Variants in ZBTB46 observed in about 807,000 individuals in gnomAD.
ZBTB46 encodes zinc finger and BTB domain-containing protein 46.
A neutral mutation model predicts 44.1 loss-of-function variants in ZBTB46; 8 were observed. That is an observed-to-expected ratio of 0.18 (90% confidence interval 0.11 to 0.33). ZBTB46 has a LOEUF of 0.33. Among genes scored for constraint, ZBTB46 ranks in the 10% least tolerant of loss-of-function variants. The pLI is 1.00. For missense variants in ZBTB46, 651 were observed against 847.7 expected (o/e 0.77, Z 2.88); for synonymous variants, 409 against 382.3 (o/e 1.07, Z -0.81).
chr20:63,770,245 C>G (rs189504285), intron 3 of ZBTB46, among the ~76,000 whole-genome samples: 8 of 152,332 alleles, frequency 5.3e-5, no homozygotes, highest in Non-Finnish European at 1.5e-5. Context: ...GCACACACCT[C>G]AAGGCCCCAG....
At chr20:63,751,810 C>CCCCATGAAGCCCCGCCCCCCGGTGGGTCT (rs1568828406) in intron 4 of ZBTB46, among the ~76,000 whole-genome samples, 49 of 143,176 alleles carry the variant, frequency 3.4e-4, no homozygotes, top group Non-Finnish European at 6.8e-4. Flanking sequence ...CGGTGGGTCT[C>CCCCATGAAGCCCCGCCCCCCGGTGGGTCT]CCCATGAAGC....
chr20:63,761,593 C>A (rs1328082593), intron 3 of ZBTB46, among the ~76,000 whole-genome samples: 1 of 151,942 alleles, frequency 6.6e-6, no homozygotes, highest in Non-Finnish European at 1.5e-5. Flanking sequence ...ACCAGCCTGG[C>A]CAATATAGTG....
At chr20:63,747,503 AG>A (rs1322543822) in intron 4 of ZBTB46, among the ~76,000 whole-genome samples, 1 of 14,080 alleles carries the variant, frequency 7.1e-5, no homozygotes, top group Non-Finnish European at 1.4e-4. Flanking sequence ...GGAGGTTGGG[AG>A]GGGGGCCAGG....
chr20:63,782,996 G>A (rs951443109), intron 2 of ZBTB46, among the ~76,000 whole-genome samples: 1 of 152,218 alleles, frequency 6.6e-6, no homozygotes, highest in Non-Finnish European at 1.5e-5. Flanking sequence ...CAGGCGTGGT[G>A]GCGCACGCCC....
At position 63,812,604 on chromosome 20, in the gene ZBTB46, G is replaced by A. The variant is rs548104430; in HGVS notation, c.-34+18493C>T. ...AGCCTGGTCAACATGTGGAAACCCC[G>A]TCCCTAGTAAAAGAAATACAAAAAA... On this transcript the variant is annotated intron_variant, in intron 1 of 4. Transcript: ENST00000245663. Among the ~76,000 whole-genome samples the A allele has an allele frequency of 7.3e-4, 111 of 152,004 alleles. 1 individual carries two copies. The South Asian group carries it at 0.011, about 16-fold the overall frequency.
rs1601457964 is a variant in ZBTB46, at chr20:63,782,487, G to C, written c.938-6525C>G. ...CCTGCCGGCTGCTTCAGACTTCAGA[G>C]AACCGTGAGACAAAACGTGCATTGC... is the stretch of plus-strand genomic sequence containing the variant. On this transcript the variant is annotated intron_variant, in intron 2 of 4. Transcript: ENST00000245663. Among the ~76,000 whole-genome samples the C allele has an allele frequency of 2.6e-5, 4 of 152,300 alleles. No individual in the cohort carries two copies. In the South Asian group the frequency reaches 8.3e-4, roughly 32 times the overall value.
At chr20:63,796,425 C>T (rs1303685131) in intron 1 of ZBTB46, among the ~76,000 whole-genome samples, 2 of 152,246 alleles carry the variant, frequency 1.3e-5, no homozygotes, top group Non-Finnish European at 2.9e-5. Flanking sequence ...ACGACCCTCT[C>T]AAACATCAAC....
At chr20:63,798,685 A>AAAAAAAAC (rs1555851218) in intron 1 of ZBTB46, among the ~76,000 whole-genome samples, 1 of 127,888 alleles carries the variant, frequency 7.8e-6, no homozygotes, top group African/African-American at 3.2e-5. Context: ...AAAAAAAAAA[A>AAAAAAAAC]AAAAAAAATT....
At chr20:63,759,996 A>G (rs1192485213) in intron 3 of ZBTB46, among the ~76,000 whole-genome samples, 1 of 152,184 alleles carries the variant, frequency 6.6e-6, no homozygotes. Context: ...CCTGCGGACC[A>G]TGCAACACGG....
intron 4 of ZBTB46, among the ~76,000 whole-genome samples, chr20:63,750,626 C>G (rs6089970): frequency 6.6e-6 from 1 of 151,954 alleles, no homozygotes; most frequent in Non-Finnish European, 1.5e-5. Context: ...CAGCCCTGGT[C>G]GGACACAGTG....
At chr20:63,772,758 CACACA>C (rs746057160) in intron 3 of ZBTB46, among the ~76,000 whole-genome samples, 1 of 69,480 alleles carries the variant, frequency 1.4e-5, no homozygotes, top group South Asian at 4.7e-4. Context: ...CACACACACA[CACACA>C]CACAGAAGTG....
At chr20:63,827,883 T>C (rs1029780576) in intron 1 of ZBTB46, among the ~76,000 whole-genome samples, 2 of 152,250 alleles carry the variant, frequency 1.3e-5, no homozygotes, top group East Asian at 3.8e-4. Context: ...TTTGTTTTTA[T>C]GCTTTAACAG....
chr20:63,749,577 C>T (rs2092140927), intron 4 of ZBTB46, among the ~76,000 whole-genome samples: 1 of 152,328 alleles, frequency 6.6e-6, no homozygotes, highest in South Asian at 2.1e-4. Context: ...ACCTCGTGAT[C>T]TGCCCGCCTT....
chr20:63,832,909 ACCCAGAG>A (rs1411152723), upstream of ZBTB46, among the ~76,000 whole-genome samples: 8 of 151,310 alleles, frequency 5.3e-5, no homozygotes, highest in Non-Finnish European at 8.9e-5. The surrounding 1 kb of genome is among the most constrained non-coding windows in gnomAD (Gnocchi z 5.0). Context: ...CCACCTGCCC[ACCCAGAG>A]CCCAGTTGTA....
intron 3 of ZBTB46, among the ~76,000 whole-genome samples, chr20:63,759,206 ACT>A (rs965843802): frequency 1.3e-5 from 2 of 151,900 alleles, no homozygotes; most frequent in South Asian, 2.1e-4. Context: ...ATAAAATGAA[ACT>A]CTGTTATTTA....
upstream of ZBTB46, among the ~76,000 whole-genome samples, chr20:63,832,234 C>T (rs529622463): frequency 6.6e-6 from 1 of 152,312 alleles, no homozygotes; most frequent in Admixed American, 6.5e-5. This position sits in a 1 kb window ranked among gnomAD's most constrained non-coding sequence, Gnocchi z 5.0. Context: ...CCGCCGTCCT[C>T]AGCCCTCGGG....
intron 3 of ZBTB46, among the ~76,000 whole-genome samples, chr20:63,768,474 A>G (rs933927434): frequency 3.3e-5 from 5 of 152,134 alleles, no homozygotes; most frequent in African/African-American, 1.2e-4. Flanking sequence ...CCAACGGGAT[A>G]CCCTAACCTG....
At chr20:63,811,324 G>A (rs1279100180) in intron 1 of ZBTB46, among the ~76,000 whole-genome samples, 1 of 152,130 alleles carries the variant, frequency 6.6e-6, no homozygotes, top group African/African-American at 2.4e-5. Context: ...GCCATGGGGT[G>A]GGTCTCCCTG....
At chr20:63,819,302 C>T (rs1216349171) in intron 1 of ZBTB46, among the ~76,000 whole-genome samples, 1 of 152,176 alleles carries the variant, frequency 6.6e-6, no homozygotes, top group Non-Finnish European at 1.5e-5. Flanking sequence ...ACAGAGAGCG[C>T]ACCCGGGATG....
Sources: allele counts gnomAD v4.1 joint callset (sites outside exome capture counted in the v4.1 genomes callset), GRCh38; gene constraint gnomAD v4.1.1; non-coding constraint Gnocchi (gnomAD v3.1); transcripts MANE v1.5; gene names NCBI Gene and HGNC (gene_info 2026-07-23, HGNC 2026-07-21).